CRMP1: variants seen among roughly 807,000 people sequenced by gnomAD.
CRMP1 encodes the protein dihydropyrimidinase-related protein 1.
A neutral mutation model predicts 68.3 loss-of-function variants in CRMP1; 19 were observed. The observed-to-expected ratio is 0.28, with a 90% CI of 0.19 to 0.41. The LOEUF (loss-of-function observed/expected upper bound fraction) is 0.41, where lower values mean the gene tolerates loss of function less well. CRMP1 is among the 10% of genes least tolerant of loss of function. The pLI, the probability that CRMP1 is intolerant of heterozygous loss-of-function variation, is 1.00. For missense variants in CRMP1, 791 were observed against 967.4 expected, an observed-to-expected ratio of 0.82 and a Z score of 2.42; for synonymous variants, 439 against 399.6, an observed-to-expected ratio of 1.10 and a Z score of -1.18.
In CRMP1 at chr4:5,825,614, C is replaced by T. The variant is rs757578843; in HGVS notation, c.1849G>A (p.Val617Met). ...GVSRGMYDGP[V>M]YEVPATPKYA... ...TTGGGTGTAGCTGGTACCTCGTACACAGGACCGTCATACATGCCCCTGGAA... is the reference window on the plus strand; with the variant it reads ...TTGGGTGTAGCTGGTACCTCGTACATAGGACCGTCATACATGCCCCTGGAA... The change falls in exon 13 of 14, where the codon GTG becomes ATG. Residue 617 changes from valine to methionine, a missense_variant. Val to Met is a conservative substitution (Grantham distance 21). Coordinates refer to ENST00000324989, the MANE Select transcript of CRMP1 (RefSeq NM_001014809.3). The surrounding 1 kb of genome is among the most constrained non-coding windows in gnomAD (Gnocchi z 4.4). The T allele has an allele frequency of 6.2e-6, 10 of 1,606,000 alleles. No individual in the cohort carries two copies. Among genetic ancestry groups the T allele is most frequent in the Non-Finnish European group, 5.9e-6 (7 of 1,177,622 alleles).
chr4:5,852,761 G>A (rs182913999), intron 4 of CRMP1, among the ~76,000 whole-genome samples: 1 of 152,262 alleles, frequency 6.6e-6, no homozygotes, highest in East Asian at 1.9e-4. Flanking sequence ...CAAGTCAATG[G>A]GCAAAGACAA....
At chr4:5,824,114 C>T (rs908776706) in intron 13 of CRMP1, among the ~76,000 whole-genome samples, 2 of 152,084 alleles carry the variant, frequency 1.3e-5, no homozygotes, top group African/African-American at 2.4e-5. Context: ...CTAAGAACAA[C>T]GGGGAGGAGG....
chr4:5,888,844 T>A lies in CRMP1; in HGVS notation c.381+3745A>T, dbSNP rs865840931. 1.3e-5 allele frequency among the ~76,000 whole-genome samples: 2 copies of A among 148,350 alleles called. No homozygotes were observed. Among genetic ancestry groups the A allele is most frequent in the Non-Finnish European group, 3.0e-5 (2 of 66,940 alleles). On this transcript the variant is annotated intron_variant, in intron 1 of 13. Transcript: ENST00000324989. The surrounding 1 kb of genome is among the most constrained non-coding windows in gnomAD (Gnocchi z 6.4). ...TCTGCGGGGGTGTGGGGGGAGGGAG[T>A]GTGGGACGGGGGCCAAGGATCGGCC...
rs1031835864 is a variant in CRMP1 at position 5,842,989 on chromosome 4, C to T, written c.1032+104G>A. On this transcript the variant is annotated intron_variant, in intron 7 of 13. Coordinates refer to ENST00000324989, the MANE Select transcript of CRMP1 (RefSeq NM_001014809.3). The surrounding 1 kb of genome is among the most constrained non-coding windows in gnomAD (Gnocchi z 4.5). ...GTTTGGGATGGTCTGGGAGAGGACACGGGAAGAGGCCGGGTCCTGGCTGGG... is the reference window on the plus strand; with the variant it reads ...GTTTGGGATGGTCTGGGAGAGGACATGGGAAGAGGCCGGGTCCTGGCTGGG... 18 of 1,097,914 alleles carry T rather than the reference C, an allele frequency of 1.6e-5. No homozygotes were observed. Among genetic ancestry groups the T allele is most frequent in the South Asian group, 4.0e-5 (3 of 75,658 alleles). The allele number at this position is 1,097,914 out of a possible 1,614,324, so 68.0% of individuals were successfully genotyped here.
chr4:5,833,252 C>T (rs1250744193), intron 11 of CRMP1, among the ~76,000 whole-genome samples: 1 of 88,112 alleles, frequency 1.1e-5, no homozygotes, highest in Admixed American at 9.7e-5. Flanking sequence ...CCGCAAGCTC[C>T]GCCTCCCGGG....
Position 5,853,651 on chromosome 4 carries a change from T to C in CRMP1, c.821-2182A>G, listed in dbSNP as rs1212704115. ...GGGGATATCCCCACTCCCGTGTTCA[T>C]TGAGGCATTGTTTATAACAGCCAAG... On this transcript the variant is annotated intron_variant, in intron 4 of 13. Coordinates refer to ENST00000324989, the MANE Select transcript of CRMP1 (RefSeq NM_001014809.3). This position sits in a 1 kb window ranked among gnomAD's most constrained non-coding sequence, Gnocchi z 4.7. Among the ~76,000 whole-genome samples, 2 of 152,236 alleles carry C rather than the reference T, an allele frequency of 1.3e-5. No homozygotes were observed. Among genetic ancestry groups the C allele is most frequent in the African/African-American group, 4.8e-5 (2 of 41,468 alleles).
chr4:5,882,028 A>C (rs1255823128), intron 1 of CRMP1, among the ~76,000 whole-genome samples: 1 of 152,120 alleles, frequency 6.6e-6, no homozygotes, highest in Admixed American at 6.5e-5. Flanking sequence ...TTTTTCTTCC[A>C]AACCCAATCG....
intron 10 of CRMP1, among the ~76,000 whole-genome samples, chr4:5,836,464 A>G (rs1476714586): frequency 6.6e-6 from 1 of 152,164 alleles, no homozygotes; most frequent in Non-Finnish European, 1.5e-5. Flanking sequence ...GTGCACATGC[A>G]CACACACAGC....
At chr4:5,882,061 T>C (rs10937688) in intron 1 of CRMP1, among the ~76,000 whole-genome samples, 83,700 of 151,998 alleles carry the variant, frequency 0.55, 23,449 homozygotes, top group East Asian at 0.74. Context: ...ACCACCTCAT[T>C]ATCAGCTTCC....
chr4:5,828,192 G>A (rs941392899), intron 12 of CRMP1: 22 of 985,278 alleles, frequency 2.2e-5, no homozygotes, highest in South Asian at 4.7e-5. Flanking sequence ...TTAAGATGAC[G>A]CAGGACAGCG....
rs1352884103 is a variant in CRMP1 at position 5,861,155 on chromosome 4, C to T, written c.526G>A (p.Gly176Arg). ...ATACCTCCGGGAATAACCATCCGCC[C>T]GTTGGCTTCAATGGTCTTCACTCCA... is the stretch of plus-strand genomic sequence containing the variant. ...PGGVKTIEAN[G>R]RMVIPGGIDV... Residue 176 changes from glycine to arginine, a missense_variant, in exon 3 of 14, where the codon GGG (glycine) becomes AGG (arginine). Around this residue, in one of 3 missense-constraint regions of CRMP1, gnomAD observed 594 missense variants for 763.6 expected, o/e 0.78. Transcript: ENST00000324989. This position sits in a 1 kb window ranked among gnomAD's most constrained non-coding sequence, Gnocchi z 6.0. The T allele has an allele frequency of 1.2e-6, 2 of 1,614,082 alleles. No homozygotes were observed. Among genetic ancestry groups the T allele is most frequent in the Non-Finnish European group, 1.7e-6 (2 of 1,180,044 alleles).
chr4:5,868,253 CTATATATCTA>C lies in CRMP1; in HGVS notation c.382-1507_382-1498del, dbSNP rs1224248039. 5.5e-3 allele frequency among the ~76,000 whole-genome samples: 460 copies of C among 83,088 alleles called. 4 individuals carry two copies. The highest frequency in any genetic ancestry group is 8.0e-3 in the Non-Finnish European group (334 of 41,530). 54.5% of individuals were successfully genotyped at this position (83,088 alleles called of 152,430 possible). A position where few individuals can be genotyped will look rare whatever the true frequency, so the allele number is the denominator to read the frequency against. On this transcript the variant is annotated intron_variant, in intron 1 of 13. Transcript: ENST00000324989. ...CCAACTTGCCGCACATTCTTCATGA[CTATATATCTA>C]TATATATATATATATATATATATAT...
In CRMP1 at chr4:5,838,334, T is replaced by A. The variant is rs1720865719; in HGVS notation, c.1310+1188A>T. ...TGCACCGGATTGAGTTCTGCCTTGT[T>A]GGATGTTGCAGGGACTTGGGTTTCA... On this transcript the variant is annotated intron_variant, in intron 9 of 13. Coordinates refer to ENST00000324989, the MANE Select transcript of CRMP1 (RefSeq NM_001014809.3). This position sits in a 1 kb window ranked among gnomAD's most constrained non-coding sequence, Gnocchi z 4.9. 6.6e-6 allele frequency among the ~76,000 whole-genome samples: 1 copy of A among 151,924 alleles called. No homozygotes were observed. The highest frequency in any genetic ancestry group is 2.4e-5 in the African/African-American group (1 of 41,366).
chr4:5,865,319 C>T lies in CRMP1; in HGVS notation c.470+1349G>A, dbSNP rs540883896. Among the ~76,000 whole-genome samples the T allele has an allele frequency of 1.6e-4, 24 of 152,194 alleles. No homozygotes were observed. The highest frequency in any genetic ancestry group is 1.0e-3 in the Admixed American group (16 of 15,276). ...AAAGAGAACTGCCCTGATCCTCACC[C>T]GCCAGTAAAATGTTAAGGCCAGCCA... On this transcript the variant is annotated intron_variant, in intron 2 of 13. Coordinates refer to ENST00000324989, the MANE Select transcript of CRMP1 (RefSeq NM_001014809.3). The surrounding 1 kb of genome is among the most constrained non-coding windows in gnomAD (Gnocchi z 4.1).
At position 5,877,593 on chromosome 4, in the gene CRMP1, G is replaced by A. The variant is rs970121128; in HGVS notation, c.382-10837C>T. 2.0e-5 allele frequency among the ~76,000 whole-genome samples: 3 copies of A among 152,232 alleles called. No individual in the cohort carries two copies. The highest frequency in any genetic ancestry group is 4.8e-5 in the African/African-American group (2 of 41,468). On this transcript the variant is annotated intron_variant, in intron 1 of 13. Transcript: ENST00000324989. The surrounding 1 kb of genome is among the most constrained non-coding windows in gnomAD (Gnocchi z 4.3). Reference sequence around the variant, plus strand: ...GCCCTTTGCCACACTATCCAGGAATGCAACCCACGAAGTGGCAACCGGTAT... The same window carrying A: ...GCCCTTTGCCACACTATCCAGGAATACAACCCACGAAGTGGCAACCGGTAT...
intron 11 of CRMP1, among the ~76,000 whole-genome samples, chr4:5,831,785 C>T (rs1720397568): frequency 6.6e-6 from 1 of 152,200 alleles, no homozygotes; most frequent in Non-Finnish European, 1.5e-5. Context: ...TCAATTCCTT[C>T]ATTTCTTAAA....
chr4:5,885,429 C>G (rs997389959), intron 1 of CRMP1, among the ~76,000 whole-genome samples: 4 of 152,196 alleles, frequency 2.6e-5, no homozygotes, highest in Admixed American at 6.5e-5. Context: ...TTGATCCTTT[C>G]CAAGCCCCCA....
At chr4:5,864,562 G>A (rs1713842781) in intron 2 of CRMP1, among the ~76,000 whole-genome samples, 1 of 152,184 alleles carries the variant, frequency 6.6e-6, no homozygotes, top group African/African-American at 2.4e-5. Context: ...TACAGGTGCT[G>A]GGCCCCAGGG....
rs1449753412 is a variant in CRMP1 at position 5,892,576 on chromosome 4, G to T, written c.381+13C>A. On this transcript the variant is annotated intron_variant, in intron 1 of 13. Coordinates refer to ENST00000324989, the MANE Select transcript of CRMP1 (RefSeq NM_001014809.3). The surrounding 1 kb of genome is among the most constrained non-coding windows in gnomAD (Gnocchi z 8.6). ...CGCCCCCCTCGTCTGGCCCGCGCGCGCCCCGAGGGTACCTGGCCATTGTCC... is the reference window on the plus strand; with the variant it reads ...CGCCCCCCTCGTCTGGCCCGCGCGCTCCCCGAGGGTACCTGGCCATTGTCC... 1.7e-6 allele frequency: 2 copies of T among 1,175,892 alleles called. No homozygotes were observed. Among genetic ancestry groups the T allele is most frequent in the East Asian group, 7.6e-5 (2 of 26,354 alleles). 72.8% of individuals were successfully genotyped at this position (1,175,892 alleles called of 1,614,324 possible).
Sources: allele counts gnomAD v4.1 joint callset (sites outside exome capture counted in the v4.1 genomes callset), GRCh38; gene constraint gnomAD v4.1.1; regional missense constraint gnomAD v4.1.1; non-coding constraint Gnocchi (gnomAD v3.1); transcripts MANE v1.5; gene names NCBI Gene and HGNC (gene_info 2026-07-23, HGNC 2026-07-21).